The following OPTN variants were observed in gnomAD, a reference collection of about 807,000 sequenced individuals.
The protein encoded by OPTN is E3-14.7K-interacting protein.
A neutral mutation model predicts 70.4 loss-of-function variants in OPTN; 54 were observed. The ratio of observed to expected loss-of-function variants is 0.77; its 90% CI spans 0.62 to 0.96. The LOEUF is 0.96. OPTN is among the 40% of genes least tolerant of loss of function. The probability of loss-of-function intolerance (pLI) is 0.00; values close to 1 mark genes in which losing one functional copy is unlikely to be tolerated. For missense variants in OPTN, 624 were observed against 673.2 expected (o/e 0.93, Z 0.81); for synonymous variants, 256 against 248.5 (o/e 1.03, Z -0.28).
chr10:13,134,581 C>A (rs1258259193), intron 14 of OPTN, among the ~76,000 whole-genome samples: 1 of 152,126 alleles, frequency 6.6e-6, no homozygotes, highest in Non-Finnish European at 1.5e-5. Context: ...TACAGGTGCA[C>A]GCCACCACGC....
At chr10:13,101,868 G>A (rs1425367566) in intron 1 of OPTN, among the ~76,000 whole-genome samples, 1 of 152,180 alleles carries the variant, frequency 6.6e-6, no homozygotes, top group Non-Finnish European at 1.5e-5. Flanking sequence ...CACCTACACA[G>A]CAGAAAGCAT....
chr10:13,107,124 C>T (rs1000994845), intron 1 of OPTN, among the ~76,000 whole-genome samples: 6 of 152,020 alleles, frequency 3.9e-5, no homozygotes, highest in African/African-American at 1.4e-4. Flanking sequence ...CCTGTAATCC[C>T]AGCACTTTTG....
chr10:13,133,116 GT>G (rs755763685), intron 13 of OPTN, among the ~76,000 whole-genome samples: 22 of 152,052 alleles, frequency 1.4e-4, no homozygotes, highest in Non-Finnish European at 2.5e-4. Context: ...TGATTTCTCT[GT>G]GTTTAAGTTA....
At chr10:13,123,157 C>CTA (rs1833387544) in intron 8 of OPTN, 1 of 154,612 alleles carries the variant, frequency 6.5e-6, no homozygotes, top group Non-Finnish European at 1.4e-5. Flanking sequence ...GATTTGGGTT[C>CTA]TATCCCATTA....
chr10:13,104,654 G>A (rs993284516), intron 1 of OPTN: 24 of 688,880 alleles, frequency 3.5e-5, no homozygotes, highest in Admixed American at 2.1e-4. Flanking sequence ...CCCACTAGTC[G>A]CCATCTCCAC....
At chr10:13,109,386 G>A (rs928986913) in intron 3 of OPTN, 98 bp downstream of exon 3, 71 of 1,216,846 alleles carry the variant, frequency 5.8e-5, no homozygotes, top group Middle Eastern at 2.4e-4. Flanking sequence ...CCTTCTCCCC[G>A]TTTCCATAGG....
chr10:13,108,737 G>A (rs1191417139), intron 2 of OPTN, among the ~76,000 whole-genome samples: 6 of 151,824 alleles, frequency 4.0e-5, no homozygotes, highest in African/African-American at 1.2e-4. Context: ...TAGTAGAGAC[G>A]GGGTTTCACT....
At chr10:13,132,335 G>A (rs1564368910) in intron 13 of OPTN, 138 bp downstream of exon 13, 6 of 752,556 alleles carry the variant, frequency 8.0e-6, no homozygotes, top group East Asian at 5.6e-5. Context: ...GTGACAGAGC[G>A]AGTCCCCTGT....
At chr10:13,113,582 T>A (rs1337376484) in intron 5 of OPTN, among the ~76,000 whole-genome samples, 1 of 152,136 alleles carries the variant, frequency 6.6e-6, no homozygotes, top group Non-Finnish European at 1.5e-5. Context: ...GAAGCATCTG[T>A]TACAACTGTG....
rs768738279 is a variant in OPTN at position 13,125,578 on chromosome 10, T to A, written c.1148+11T>A. On this transcript the variant is annotated intron_variant, in intron 10 of 14. Coordinates refer to ENST00000378747, the MANE Select transcript of OPTN (RefSeq NM_001008212.2). Reference sequence around the variant, plus strand: ...AACAGAGGATGAAAAGTGAGTATGTTGAGTCAGAAGGGCAGCGACGGGGCA... The same window carrying A: ...AACAGAGGATGAAAAGTGAGTATGTAGAGTCAGAAGGGCAGCGACGGGGCA... 14 of 1,614,152 alleles carry A rather than the reference T, an allele frequency of 8.7e-6. No homozygotes were observed. The highest frequency in any genetic ancestry group is 1.2e-5 in the Non-Finnish European group (14 of 1,180,002).
At chr10:13,103,520 C>T (rs1446749085) in intron 1 of OPTN, among the ~76,000 whole-genome samples, 2 of 152,182 alleles carry the variant, frequency 1.3e-5, no homozygotes, top group African/African-American at 4.8e-5. Context: ...ACAGACAGTG[C>T]CTGCTAAGGT....
At chr10:13,133,848 G>A (rs544713689) in intron 14 of OPTN, among the ~76,000 whole-genome samples, 51 of 151,822 alleles carry the variant, frequency 3.4e-4, no homozygotes, top group African/African-American at 6.0e-4. Context: ...TCGCTGTGTC[G>A]TCCAGGCTGG....
intron 14 of OPTN, 21 bp downstream of exon 14, chr10:13,133,602 G>T (rs750023195): frequency 6.2e-7 from 1 of 1,600,466 alleles, no homozygotes; most frequent in Admixed American, 1.7e-5. Context: ...TGTGATCCTG[G>T]ATTTTCAGGA....
At chr10:13,133,479 C>T (rs759799377) in intron 13 of OPTN, 23 bp from the exon 14 acceptor site, 8 of 1,608,126 alleles carry the variant, frequency 5.0e-6, no homozygotes, top group Admixed American at 3.3e-5. Context: ...CATCACACAG[C>T]GTGTTGCTTT....
rs1445931980 is a variant in OPTN at position 13,132,177 on chromosome 10, T to C, written c.1512T>C (p.Asp504=). The C allele has an allele frequency of 6.2e-7, 1 of 1,613,016 alleles. No individual in the cohort carries two copies. Among genetic ancestry groups the C allele is most frequent in the Non-Finnish European group, 8.5e-7 (1 of 1,179,312 alleles). ...TGGCAGTTCTGCTGAAAGAGAATGA[T>C]GCTTTCGAAGACGGAGGCAGGTAAG... ...LQLAVLLKEN[D]AFEDGGRQSL... The change falls in exon 13 of 15, where the codon GAT becomes GAC. Residue 504 remains aspartate, a synonymous_variant. Coordinates refer to ENST00000378747, the MANE Select transcript of OPTN (RefSeq NM_001008212.2).
At chr10:13,123,342 T>C (rs1391106138) in intron 8 of OPTN, 1 of 152,886 alleles carries the variant, frequency 6.5e-6, no homozygotes, top group African/African-American at 2.4e-5. Flanking sequence ...TTACATAAAA[T>C]ATTCACTTTA....
At chr10:13,125,614 A>G in intron 10 of OPTN, 47 bp downstream of exon 10, 1 of 1,609,238 alleles carries the variant, frequency 6.2e-7, no homozygotes, top group Non-Finnish European at 8.5e-7. Flanking sequence ...GAGGAGGGAG[A>G]ATCGCCTTTT....
rs987252061 is a variant in OPTN, at chr10:13,117,987, G to A, written c.627-901G>A. ...AATTGCTTTTGTCATATTTAAAGAC[G>A]TTCCTGGAAGTAGTGGGAAATAAAA... is the stretch of plus-strand genomic sequence containing the variant. On this transcript the variant is annotated intron_variant, in intron 6 of 14. Coordinates refer to ENST00000378747, the MANE Select transcript of OPTN (RefSeq NM_001008212.2). Among the ~76,000 whole-genome samples, 7 of 152,146 alleles carry A rather than the reference G, an allele frequency of 4.6e-5. No individual in the cohort carries two copies. The East Asian group carries it at 7.7e-4, about 17-fold the overall frequency.
intron 14 of OPTN, among the ~76,000 whole-genome samples, chr10:13,136,493 G>A (rs1208566387): frequency 9.5e-6 from 1 of 105,752 alleles, no homozygotes; most frequent in Middle Eastern, 0.011. Context: ...GGGTGACAGC[G>A]AGACTCCGTC....
Sources: gnomAD v4.1 joint callset for allele counts (sites outside exome capture counted in the v4.1 genomes callset) on GRCh38, gnomAD v4.1.1 for gene constraint, MANE v1.5 for transcripts, NCBI Gene and HGNC (gene_info 2026-07-23, HGNC 2026-07-21) for gene names.